The following MPDZ variants were observed in gnomAD, a reference collection of about 807,000 sequenced individuals.
MPDZ encodes multiple PDZ domain protein.
A neutral mutation model predicts 239.1 loss-of-function variants in MPDZ; 234 were observed. The observed-to-expected ratio is 0.98, with a 90% CI of 0.88 to 1.09. The LOEUF is 1.09. Among genes scored for constraint, MPDZ ranks in the 50% least tolerant of loss-of-function variants. MPDZ has a pLI of 0.00. For missense variants in MPDZ, 3,175 were observed against 2,510.0 expected (o/e 1.26, Z -5.66); for synonymous variants, 1,048 against 881.3 (o/e 1.19, Z -3.35).
At chr9:13,171,903 G>A (rs1004295912) in intron 21 of MPDZ, among the ~76,000 whole-genome samples, 3 of 152,096 alleles carry the variant, frequency 2.0e-5, no homozygotes, top group Admixed American at 2.0e-4. Context: ...CTCATTGATA[G>A]ACCTCTTCAT....
At chr9:13,142,521 A>G (rs1028372168) in intron 27 of MPDZ, among the ~76,000 whole-genome samples, 5 of 152,138 alleles carry the variant, frequency 3.3e-5, no homozygotes, top group Non-Finnish European at 5.9e-5. Flanking sequence ...TCAAAAATGC[A>G]GTGTATACTT....
intron 26 of MPDZ, 107 bp downstream of exon 26, chr9:13,147,441 T>C (rs1416437960): frequency 5.0e-6 from 4 of 801,936 alleles, no homozygotes; most frequent in East Asian, 5.1e-5. Flanking sequence ...TCCTGAGATT[T>C]GAAAAATCAC....
chr9:13,153,638 C>G (rs1005368195), intron 24 of MPDZ, among the ~76,000 whole-genome samples: 15 of 152,012 alleles, frequency 9.9e-5, no homozygotes, highest in African/African-American at 3.6e-4. Context: ...ACAACTGTCC[C>G]TTCCCTGTTT....
At chr9:13,159,875 A>T (rs976036731) in intron 23 of MPDZ, among the ~76,000 whole-genome samples, 1 of 152,158 alleles carries the variant, frequency 6.6e-6, no homozygotes, top group Non-Finnish European at 1.5e-5. Context: ...CAGGGACTCA[A>T]GTGTCATGTC....
chr9:13,111,725 G>A (rs943256635), intron 43 of MPDZ, among the ~76,000 whole-genome samples: 2 of 152,032 alleles, frequency 1.3e-5, no homozygotes, highest in African/African-American at 4.8e-5. Flanking sequence ...ACTTCATACT[G>A]GTGTTCTGAA....
chr9:13,162,638 T>C (rs1370989837), intron 23 of MPDZ, 53 bp downstream of exon 23: 6 of 1,222,622 alleles, frequency 4.9e-6, no homozygotes, highest in Non-Finnish European at 6.9e-6. Context: ...GAATTCCAAA[T>C]TCTCTACAAC....
chr9:13,256,319 T>TAGCA (rs1373821970), intron 1 of MPDZ, among the ~76,000 whole-genome samples: 18 of 152,218 alleles, frequency 1.2e-4, no homozygotes, highest in Non-Finnish European at 2.2e-4. Flanking sequence ...ATAAGGCTGT[T>TAGCA]TTGCTTTACA....
At chr9:13,279,287 A>ACCCCCG (rs1564192482) in intron 1 of MPDZ, 113 bp downstream of exon 1, 20 of 38,516 alleles carry the variant, frequency 5.2e-4, no homozygotes, top group East Asian at 5.1e-3. Flanking sequence ...CCCCGCCCCC[A>ACCCCCG]CCCCCACCCC....
Position 13,122,159 on chromosome 9 carries a change from A to T in MPDZ, c.4965T>A (p.Ile1655=), listed in dbSNP as rs1219251163. 1 of 1,613,868 alleles carries T rather than the reference A, an allele frequency of 6.2e-7. No homozygotes were observed. Among genetic ancestry groups the T allele is most frequent in the Admixed American group, 1.7e-5 (1 of 60,008 alleles). ...GGSDTLLGAI[I]IHEVYEEGAA... The stretch of plus-strand genomic sequence containing the variant: ...CTCCTTCTTCATAAACTTCATGGAT[A>T]ATAATGGCACCCTAAGGGCCCAAAC... The change falls in exon 37 of 47, where the codon ATT becomes ATA. Residue 1655 remains isoleucine (I), a synonymous_variant. Coordinates refer to ENST00000319217, the MANE Select transcript of MPDZ (RefSeq NM_001378778.1).
chr9:13,175,984 A>G, intron 20 of MPDZ, 109 bp from the exon 21 acceptor site: 1 of 1,441,478 alleles, frequency 6.9e-7, no homozygotes, highest in South Asian at 1.4e-5. Flanking sequence ...TTATTTTGCA[A>G]GAACCTGCAA....
At chr9:13,211,841 T>A in intron 10 of MPDZ, among the ~76,000 whole-genome samples, 1 of 152,128 alleles carries the variant, frequency 6.6e-6, no homozygotes, top group East Asian at 1.9e-4. Flanking sequence ...TTCTAAATTT[T>A]AAACCATAAA....
chr9:13,267,010 A>G (rs1206744339), intron 1 of MPDZ, among the ~76,000 whole-genome samples: 1 of 152,230 alleles, frequency 6.6e-6, no homozygotes, highest in African/African-American at 2.4e-5. Context: ...ATACTCCAAG[A>G]GGCAAAACTT....
At chr9:13,261,236 G>A (rs189760214) in intron 1 of MPDZ, among the ~76,000 whole-genome samples, 1 of 152,254 alleles carries the variant, frequency 6.6e-6, no homozygotes, top group African/African-American at 2.4e-5. Flanking sequence ...GAATACAGCC[G>A]ACATTAAGAG....
intron 38 of MPDZ, among the ~76,000 whole-genome samples, chr9:13,121,213 C>T (rs1944294713): frequency 6.6e-6 from 1 of 152,132 alleles, no homozygotes; most frequent in Admixed American, 6.5e-5. Context: ...ATATCTTCCA[C>T]TCTCCTTTAA....
At chr9:13,119,909 C>T (rs1343744124) in intron 38 of MPDZ, 8 of 418,124 alleles carry the variant, frequency 1.9e-5, no homozygotes, top group South Asian at 2.6e-5. Flanking sequence ...TGAGTAGAAG[C>T]GTGTATTACC....
chr9:13,162,249 G>A (rs891849697), intron 23 of MPDZ, among the ~76,000 whole-genome samples: 2 of 144,732 alleles, frequency 1.4e-5, no homozygotes, highest in Non-Finnish European at 3.0e-5. Flanking sequence ...GAGCAACAGA[G>A]TGAGGCTCTG....
intron 13 of MPDZ, among the ~76,000 whole-genome samples, chr9:13,193,996 A>G (rs746026684): frequency 2.0e-5 from 3 of 152,254 alleles, no homozygotes; most frequent in African/African-American, 4.8e-5. Flanking sequence ...TTCAGAAGCG[A>G]TATCACCTGA....
intron 19 of MPDZ, 134 bp from the exon 20 acceptor site, chr9:13,176,551 A>G (rs1456150227): frequency 1.3e-6 from 1 of 794,160 alleles, no homozygotes; most frequent in African/African-American, 1.7e-5. Flanking sequence ...CTCAAAAAGC[A>G]TTAACAAACA....
At chr9:13,117,367 C>T (rs1276619582) in intron 39 of MPDZ, among the ~76,000 whole-genome samples, 3 of 151,616 alleles carry the variant, frequency 2.0e-5, no homozygotes, top group African/African-American at 7.3e-5. Flanking sequence ...CTGCCTCTAC[C>T]AAAAATACAA....
Sources: gnomAD v4.1 joint callset for allele counts (sites outside exome capture counted in the v4.1 genomes callset) on GRCh38, gnomAD v4.1.1 for gene constraint, MANE v1.5 for transcripts, NCBI Gene and HGNC (gene_info 2026-07-23, HGNC 2026-07-21) for gene names.